SS18L1: variants seen among roughly 807,000 people sequenced by gnomAD.
The protein encoded by SS18L1 is SS18L1 subunit of BAF chromatin remodeling complex, also known as calcium-responsive transactivator.
In SS18L1, 32 loss-of-function variants were observed where a neutral mutation model predicts 70.3. The observed-to-expected ratio is 0.46, with a 90% CI of 0.34 to 0.61. SS18L1 has a LOEUF of 0.61. Among genes scored for constraint, SS18L1 ranks in the 20% least tolerant of loss-of-function variants. The pLI, the probability that SS18L1 is intolerant of heterozygous loss-of-function variation, is 0.01. For missense variants in SS18L1, 430 were observed against 542.1 expected, an observed-to-expected ratio of 0.79 and a Z score of 2.05; for synonymous variants, 237 against 229.7, an observed-to-expected ratio of 1.03 and a Z score of -0.29.
chr20:62,171,127 C>T (rs914838247), intron 8 of SS18L1, among the ~76,000 whole-genome samples: 6 of 152,126 alleles, frequency 3.9e-5, no homozygotes, highest in African/African-American at 1.4e-4. Context: ...TGATCTCGAT[C>T]TCCTGACCTT....
Position 62,179,366 on chromosome 20 carries a change from C to A in SS18L1, c.*158C>A. 1.3e-6 allele frequency: 1 copy of A among 758,568 alleles called. No homozygotes were observed. Among genetic ancestry groups the A allele is most frequent in the South Asian group, 1.6e-5 (1 of 60,624 alleles). 47.0% of individuals were successfully genotyped at this position (758,568 alleles called of 1,614,324 possible). On this transcript the variant is annotated 3_prime_UTR_variant, in exon 11 of 11. Transcript: ENST00000331758. ...GCTCATTTCATGCTGGGTATGACGC[C>A]GAGCGCACACCACTGGCGTGAGACA...
intron 8 of SS18L1, among the ~76,000 whole-genome samples, chr20:62,166,542 G>A (rs974884159): frequency 2.0e-5 from 3 of 152,118 alleles, no homozygotes; most frequent in African/African-American, 4.8e-5. Context: ...CACGGTGTGC[G>A]CTACGAATGC....
intron 10 of SS18L1, 96 bp from the exon 11 acceptor site, chr20:62,179,086 G>T (rs1246273466): frequency 1.5e-6 from 2 of 1,379,002 alleles, no homozygotes; most frequent in South Asian, 1.2e-5. Flanking sequence ...TTTGCTTGCT[G>T]TTGTCCCTCC....
chr20:62,144,580 C>G (rs756914104), intron 1 of SS18L1, among the ~76,000 whole-genome samples: 3 of 152,268 alleles, frequency 2.0e-5, no homozygotes, highest in African/African-American at 2.4e-5. Flanking sequence ...GCGTGACACC[C>G]TCGCCAGCCG....
At position 62,158,158 on chromosome 20, in the gene SS18L1, C is replaced by A. The variant is rs1367902229; in HGVS notation, c.70-514C>A. Among the ~76,000 whole-genome samples the A allele has an allele frequency of 1.3e-5, 2 of 152,038 alleles. No individual in the cohort carries two copies. Among genetic ancestry groups the A allele is most frequent in the Admixed American group, 1.3e-4 (2 of 15,258 alleles). On this transcript the variant is annotated intron_variant, in intron 1 of 10. Transcript: ENST00000331758. The surrounding 1 kb of genome is among the most constrained non-coding windows in gnomAD (Gnocchi z 4.5). Reference sequence around the variant, plus strand: ...CATCCTTGCCATCGGCTTGGCTGACCCTTGCTGCACAGATGCTCTGCCGTC... The same window carrying A: ...CATCCTTGCCATCGGCTTGGCTGACACTTGCTGCACAGATGCTCTGCCGTC...
Position 62,159,809 on chromosome 20 carries a change from T to G in SS18L1, c.147-68T>G. On this transcript the variant is annotated intron_variant, in intron 2 of 10. Coordinates refer to ENST00000331758, the MANE Select transcript of SS18L1 (RefSeq NM_198935.3). This position sits in a 1 kb window ranked among gnomAD's most constrained non-coding sequence, Gnocchi z 4.4. ...GGCTGTCTTGTTCACACTTTACTTC[T>G]GCCTTGGATCCACGTGGGGACTCTG... is the stretch of plus-strand genomic sequence containing the variant. 1.3e-6 allele frequency: 2 copies of G among 1,487,232 alleles called. No individual in the cohort carries two copies. Among genetic ancestry groups the G allele is most frequent in the South Asian group, 2.4e-5 (2 of 83,768 alleles). 92.1% of individuals were successfully genotyped at this position (1,487,232 alleles called of 1,614,324 possible).
chr20:62,177,444 C>T (rs1601064059), intron 10 of SS18L1, among the ~76,000 whole-genome samples: 1 of 152,188 alleles, frequency 6.6e-6, no homozygotes, highest in Non-Finnish European at 1.5e-5. Flanking sequence ...CTAGAATCAT[C>T]ACAGGCAGCT....
chr20:62,159,706 C>CCTGCTGGACACAGG lies in SS18L1; in HGVS notation c.147-170_147-169insTGCTGGACACAGGC, dbSNP rs1387429085. ...CTGCCCTCCCGTCCCCACCGAGACCCCAGCACCCTGCCACCTGCCTGTGTC... is the reference window on the plus strand; with the variant it reads ...CTGCCCTCCCGTCCCCACCGAGACCCCTGCTGGACACAGGCAGCACCCTGCCACCTGCCTGTGTC... On this transcript the variant is annotated intron_variant, in intron 2 of 10. Coordinates refer to ENST00000331758, the MANE Select transcript of SS18L1 (RefSeq NM_198935.3). This position sits in a 1 kb window ranked among gnomAD's most constrained non-coding sequence, Gnocchi z 4.4. Among the ~76,000 whole-genome samples the CCTGCTGGACACAGG allele has an allele frequency of 5.9e-5, 9 of 152,284 alleles. No homozygotes were observed. The highest frequency in any genetic ancestry group is 1.9e-4 in the African/African-American group (8 of 41,552).
At chr20:62,146,604 C>CCTTTTTTTTTTTTTTT (rs1339898731) in intron 1 of SS18L1, among the ~76,000 whole-genome samples, 4 of 34,158 alleles carry the variant, frequency 1.2e-4, no homozygotes, top group African/African-American at 4.8e-4. Context: ...CTGCTTTGAT[C>CCTTTTTTTTTTTTTTT]ATTTTTTTTT....
chr20:62,175,347 C>CT, intron 10 of SS18L1: 1 of 985,432 alleles, frequency 1.0e-6, no homozygotes, highest in Non-Finnish European at 1.2e-6. Flanking sequence ...GCAGACATCG[C>CT]TTTCCCTCTG....
At chr20:62,153,686 C>T (rs79702325) in intron 1 of SS18L1, among the ~76,000 whole-genome samples, 2,400 of 152,266 alleles carry the variant, frequency 0.016, 68 homozygotes, top group African/African-American at 0.054. Flanking sequence ...TTTTCAATCA[C>T]TTGTCACTAG....
At chr20:62,162,492 C>T (rs575893514) in intron 4 of SS18L1, 90 of 390,492 alleles carry the variant, frequency 2.3e-4, no homozygotes, top group African/African-American at 1.7e-3. Context: ...TTAGTAGAGA[C>T]GGGGTTTCAC....
In SS18L1 at chr20:62,172,710, C is replaced by T. The variant is rs151091533; in HGVS notation, c.945C>T (p.Ala315=). ...ACTCCCAGTACAGCCAGCAGCAGGCCGGGTACCAGCAGGGTGCCGCGCAGC... is the reference window on the plus strand; with the variant it reads ...ACTCCCAGTACAGCCAGCAGCAGGCTGGGTACCAGCAGGGTGCCGCGCAGC... ...GGNSQYSQQQ[A]GYQQGAAQQQ... The change falls in exon 9 of 11, where the codon GCC becomes GCT. Residue 315 remains alanine, a synonymous_variant. Coordinates refer to ENST00000331758, the MANE Select transcript of SS18L1 (RefSeq NM_198935.3). 6.6e-4 allele frequency: 1,066 copies of T among 1,614,124 alleles called. No homozygotes were observed. The highest frequency in any genetic ancestry group is 6.7e-4 in the Non-Finnish European group (792 of 1,180,028).
intron 5 of SS18L1, among the ~76,000 whole-genome samples, 182 bp downstream of exon 5, chr20:62,163,113 G>T (rs1036035417): frequency 6.6e-6 from 1 of 152,168 alleles, no homozygotes; most frequent in African/African-American, 2.4e-5. Flanking sequence ...GCGCCAGTGG[G>T]TGCACGATCA....
chr20:62,143,785 C>T lies in SS18L1; in HGVS notation c.-36C>T. The T allele has an allele frequency of 3.0e-6, 4 of 1,345,008 alleles. No homozygotes were observed. The highest frequency in any genetic ancestry group is 9.8e-7 in the Non-Finnish European group (1 of 1,018,002). The allele number at this position is 1,345,008 out of a possible 1,614,324, so 83.3% of individuals were successfully genotyped here. ...CCGCCCAGCGCAGCCGGAGTATCCA[C>T]CTCGATGACCACGGGCTGAGCCCCG... On this transcript the variant is annotated 5_prime_UTR_variant, in exon 1 of 11. Coordinates refer to ENST00000331758, the MANE Select transcript of SS18L1 (RefSeq NM_198935.3).
intron 1 of SS18L1, among the ~76,000 whole-genome samples, chr20:62,157,396 C>G (rs761091189): frequency 2.6e-5 from 4 of 152,232 alleles, no homozygotes; most frequent in Non-Finnish European, 1.5e-5. Flanking sequence ...GCCCAGCCCC[C>G]TGCTGCTCAG....
At chr20:62,165,148 A>G (rs1050278874) in intron 7 of SS18L1, among the ~76,000 whole-genome samples, 2 of 152,208 alleles carry the variant, frequency 1.3e-5, no homozygotes, top group Non-Finnish European at 2.9e-5. Context: ...GGTCACTAGC[A>G]TGGCTGTGTG....
At chr20:62,176,529 G>A (rs980121820) in intron 10 of SS18L1, among the ~76,000 whole-genome samples, 7 of 151,536 alleles carry the variant, frequency 4.6e-5, no homozygotes, top group Non-Finnish European at 1.0e-4. Flanking sequence ...AAAGGAAAAA[G>A]AAAGGCCAGG....
chr20:62,143,863 G>A lies in SS18L1; in HGVS notation c.43G>A (p.Glu15Lys). 1 of 1,300,968 alleles carries A rather than the reference G, an allele frequency of 7.7e-7. No homozygotes were observed. The highest frequency in any genetic ancestry group is 1.0e-6 in the Non-Finnish European group (1 of 993,016). The allele number at this position is 1,300,968 out of a possible 1,614,324, so 80.6% of individuals were successfully genotyped here. ...GTCTGCCCGGCCAAGAGGCAAAGGGGAGGTTACGCAGCAAACCATCCAGAA... is the reference window on the plus strand; with the variant it reads ...GTCTGCCCGGCCAAGAGGCAAAGGGAAGGTTACGCAGCAAACCATCCAGAA... Reference protein sequence around the residue: ...FASARPRGKGEVTQQTIQKML... With the variant: ...FASARPRGKGKVTQQTIQKML... Residue 15 changes from glutamate to lysine, a missense_variant, in exon 1 of 11, where the codon GAG becomes AAG. Transcript: ENST00000331758.
Sources: gnomAD v4.1 joint callset for allele counts (sites outside exome capture counted in the v4.1 genomes callset) on GRCh38, gnomAD v4.1.1 for gene constraint, Gnocchi (gnomAD v3.1) non-coding constraint, MANE v1.5 for transcripts, NCBI Gene and HGNC (gene_info 2026-07-23, HGNC 2026-07-21) for gene names.